The following ANKRD36C variants were observed in gnomAD, a reference collection of about 807,000 sequenced individuals.
ANKRD36C encodes ankyrin repeat domain 36C.
A neutral mutation model predicts 276.4 loss-of-function variants in ANKRD36C; 61 were observed. That is an observed-to-expected ratio of 0.22 (90% CI 0.18 to 0.27). The LOEUF is 0.27. ANKRD36C is among the 10% of genes least tolerant of loss of function. The probability of loss-of-function intolerance (pLI) is 1.00; values close to 1 mark genes in which losing one functional copy is unlikely to be tolerated. For missense variants in ANKRD36C, 1,447 were observed against 2,032.3 expected, an observed-to-expected ratio of 0.71 and a Z score of 5.54; for synonymous variants, 483 against 680.1, an observed-to-expected ratio of 0.71 and a Z score of 4.51.
chr2:95,852,488 T>C (rs1675317682), intron 64 of ANKRD36C: 3 of 316,438 alleles, frequency 9.5e-6, no homozygotes, highest in South Asian at 3.9e-5. Context: ...CCTTAAATAA[T>C]ACTATCTGGC....
At chr2:95,937,143 T>C (rs1677740394) in intron 22 of ANKRD36C, among the ~76,000 whole-genome samples, 2 of 152,312 alleles carry the variant, frequency 1.3e-5, no homozygotes, top group Admixed American at 6.5e-5. Flanking sequence ...AGCTAATTTA[T>C]GGTTAAATAC....
chr2:95,884,177 C>T (rs1486795622), exon 54 of ANKRD36C: 7 of 1,606,756 alleles, frequency 4.4e-6, no homozygotes, highest in Non-Finnish European at 5.9e-6. Context: ...AATTACCTGT[C>T]CCAGATTTTT....
chr2:95,920,135 T>C (rs111880734), intron 34 of ANKRD36C, among the ~76,000 whole-genome samples: 2 of 131,792 alleles, frequency 1.5e-5, no homozygotes, highest in East Asian at 2.7e-4. Context: ...ATTTCAAACA[T>C]GGTATGATTC....
intron 44 of ANKRD36C, among the ~76,000 whole-genome samples, chr2:95,893,254 A>G (rs1676429251): frequency 6.6e-6 from 1 of 151,240 alleles, no homozygotes; most frequent in African/African-American, 2.4e-5. Flanking sequence ...GGAGAATTAA[A>G]GCAAAACTAT....
chr2:95,865,482 A>T (rs1292226873), intron 60 of ANKRD36C, among the ~76,000 whole-genome samples: 3 of 152,234 alleles, frequency 2.0e-5, no homozygotes, highest in Middle Eastern at 3.4e-3. Flanking sequence ...CCATAGGTAC[A>T]GGCTGAGTAT....
At chr2:95,989,807 A>T (rs1679100779) in intron 1 of ANKRD36C, among the ~76,000 whole-genome samples, 3 of 152,188 alleles carry the variant, frequency 2.0e-5, no homozygotes, top group Non-Finnish European at 4.4e-5. Context: ...AAATTTGTGG[A>T]TAGAAAATAG....
intron 1 of ANKRD36C, among the ~76,000 whole-genome samples, chr2:95,987,764 G>GGCGCCCGCTACC (rs1679061464): frequency 1.3e-5 from 2 of 151,968 alleles, no homozygotes; most frequent in Admixed American, 1.3e-4. Flanking sequence ...TGGGACTACA[G>GGCGCCCGCTACC]GCGCCCGCTA....
rs983142950 is a variant in ANKRD36C, at chr2:95,960,516, C to T, written c.960G>A (p.Ser320=). The T allele has an allele frequency of 5.9e-6, 9 of 1,531,136 alleles. No individual in the cohort carries two copies. The Admixed American group carries it at 5.9e-5, about 10-fold the overall frequency. 94.8% of individuals were successfully genotyped at this position (1,531,136 alleles called of 1,614,324 possible). Residue 320 remains serine, a synonymous_variant, in exon 10 of 67, where the codon TCG becomes TCA. Transcript: ENST00000456556. ...CATCTTTTATTTCTGTGGCTGTGTT[C>T]GAAACAGAATCGTTCTTGTCACTTG...
chr2:95,978,799 A>G (rs1314624805), intron 5 of ANKRD36C, among the ~76,000 whole-genome samples: 1 of 152,096 alleles, frequency 6.6e-6, no homozygotes, highest in Non-Finnish European at 1.5e-5. Flanking sequence ...ACTATTTCTT[A>G]ATTCATAAAT....
intron 6 of ANKRD36C, among the ~76,000 whole-genome samples, chr2:95,970,793 A>T (rs1289690684): frequency 1.3e-5 from 2 of 152,158 alleles, no homozygotes; most frequent in African/African-American, 4.8e-5. Context: ...AATAGGAAAG[A>T]CTTTCTGACT....
chr2:95,915,519 A>G (rs1157751001), intron 38 of ANKRD36C, among the ~76,000 whole-genome samples: 5 of 151,490 alleles, frequency 3.3e-5, no homozygotes, highest in Admixed American at 3.3e-4. Flanking sequence ...TTCCTGCCTC[A>G]CAATCCATCT....
At chr2:95,883,351 T>C (rs1573738286) in intron 54 of ANKRD36C, among the ~76,000 whole-genome samples, 3 of 152,132 alleles carry the variant, frequency 2.0e-5, no homozygotes, top group Non-Finnish European at 2.9e-5. Flanking sequence ...GTTTCTAAAA[T>C]AGTCTGGTTT....
chr2:95,867,269 T>A (rs1675701660), intron 60 of ANKRD36C, among the ~76,000 whole-genome samples, 171 bp downstream of exon 80: 1 of 152,204 alleles, frequency 6.6e-6, no homozygotes, highest in African/African-American at 2.4e-5. Flanking sequence ...TCATAGCCCT[T>A]GGCTGAGAAG....
intron 44 of ANKRD36C, chr2:95,894,301 C>A (rs1322596777): frequency 6.4e-6 from 1 of 155,888 alleles, no homozygotes; most frequent in East Asian, 1.9e-4. Context: ...CATTATCTCT[C>A]ACACCCATGT....
intron 24 of ANKRD36C, among the ~76,000 whole-genome samples, chr2:95,933,092 G>A (rs1249721764): frequency 6.6e-6 from 1 of 152,302 alleles, no homozygotes; most frequent in African/African-American, 2.4e-5. Flanking sequence ...TCATATGGTT[G>A]TAGATGTATG....
At chr2:95,908,345 G>T (rs181330156) in intron 42 of ANKRD36C, among the ~76,000 whole-genome samples, 157 bp downstream of exon 48, 107 of 151,056 alleles carry the variant, frequency 7.1e-4, no homozygotes, top group African/African-American at 2.2e-3. Flanking sequence ...CAGACCAGCA[G>T]CATCATCATC....
intron 30 of ANKRD36C, among the ~76,000 whole-genome samples, chr2:95,923,964 T>A (rs1200510896): frequency 6.6e-6 from 1 of 151,700 alleles, no homozygotes; most frequent in African/African-American, 2.4e-5. Context: ...ATATGTCGAA[T>A]GATGAGGACA....
intron 6 of ANKRD36C, among the ~76,000 whole-genome samples, chr2:95,973,661 A>G (rs1678743498): frequency 6.6e-6 from 1 of 152,196 alleles, no homozygotes; most frequent in Non-Finnish European, 1.5e-5. Context: ...TGCATTTAAA[A>G]TGTAGGATGA....
At position 95,911,561 on chromosome 2, in the gene ANKRD36C, G is replaced by T. The variant is rs756378274; in HGVS notation, c.2653+683C>A. Among the ~76,000 whole-genome samples, 4 of 151,180 alleles carry T rather than the reference G, an allele frequency of 2.6e-5. No individual in the cohort carries two copies. In the Middle Eastern group the frequency reaches 0.01, roughly 386 times the overall value. The stretch of plus-strand genomic sequence containing the variant: ...TCTATAACTAAAATCAACAAAACAT[G>T]TATCTCTGATGCCTAATAGTAACAA... On this transcript the variant is annotated intron_variant, in intron 42 of 66. Transcript: ENST00000456556.
Sources: gnomAD v4.1 joint callset for allele counts (sites outside exome capture counted in the v4.1 genomes callset) on GRCh38, gnomAD v4.1.1 for gene constraint, MANE v1.5 for transcripts, NCBI Gene and HGNC (gene_info 2026-07-23, HGNC 2026-07-21) for gene names.